The following PLPPR1 variants were observed in gnomAD, a reference collection of about 807,000 sequenced individuals.
The protein encoded by PLPPR1 is phospholipid phosphatase related 1, also known as phospholipid phosphatase-related protein type 1.
A neutral mutation model predicts 33.1 loss-of-function variants in PLPPR1; 10 were observed. The ratio of observed to expected loss-of-function variants is 0.30; its 90% CI spans 0.19 to 0.51. PLPPR1 has a LOEUF of 0.51. Among genes scored for constraint, PLPPR1 ranks in the 20% least tolerant of loss-of-function variants. PLPPR1 has a pLI of 0.97. For synonymous variants in PLPPR1, 151 were observed against 151.0 expected (o/e 1.00, Z 0.00); for missense variants, 304 against 408.1 (o/e 0.74, Z 2.20).
chr9:101,237,510 C>T (rs1255692170), intron 2 of PLPPR1, among the ~76,000 whole-genome samples: 5 of 150,596 alleles, frequency 3.3e-5, no homozygotes, highest in Admixed American at 6.7e-5. Context: ...AACACAGATA[C>T]ACATCTATAA....
At chr9:101,203,383 T>C (rs1470730094) in intron 2 of PLPPR1, among the ~76,000 whole-genome samples, 1 of 152,194 alleles carries the variant, frequency 6.6e-6, no homozygotes, top group Non-Finnish European at 1.5e-5. Flanking sequence ...TTTATGGTCC[T>C]TTGGAAACAG....
intron 6 of PLPPR1, among the ~76,000 whole-genome samples, chr9:101,316,944 C>G (rs566742259): frequency 2.0e-5 from 3 of 152,082 alleles, no homozygotes; most frequent in African/African-American, 7.2e-5. Context: ...CCTGTGCCCC[C>G]CTATCTAGAC....
At chr9:101,059,532 AT>A (rs1301732478) in intron 1 of PLPPR1, among the ~76,000 whole-genome samples, 1 of 152,138 alleles carries the variant, frequency 6.6e-6, no homozygotes, top group Non-Finnish European at 1.5e-5. Flanking sequence ...GAGATTAAAA[AT>A]ATGCAAGAAT....
chr9:101,225,376 A>G (rs1827042127), intron 2 of PLPPR1, among the ~76,000 whole-genome samples: 1 of 152,112 alleles, frequency 6.6e-6, no homozygotes, highest in Middle Eastern at 3.2e-3. Context: ...CTTCCCTAAA[A>G]TAGCAGGCAC....
chr9:101,034,177 A>G (rs1342182464), intron 1 of PLPPR1, among the ~76,000 whole-genome samples: 1 of 152,160 alleles, frequency 6.6e-6, no homozygotes, highest in African/African-American at 2.4e-5. Context: ...AAAAGGGAGC[A>G]GATGGAACCA....
intron 2 of PLPPR1, among the ~76,000 whole-genome samples, chr9:101,220,864 G>A (rs182179302): frequency 1.3e-5 from 2 of 152,186 alleles, no homozygotes; most frequent in Non-Finnish European, 2.9e-5. Flanking sequence ...GCAAGGCATA[G>A]GGTTAATCCC....
At chr9:101,312,083 G>T (rs1828969111) in intron 5 of PLPPR1, among the ~76,000 whole-genome samples, 1 of 152,112 alleles carries the variant, frequency 6.6e-6, no homozygotes, top group South Asian at 2.1e-4. Flanking sequence ...CTTAGCTCAG[G>T]TCTTCTTGAC....
At chr9:101,266,198 G>A (rs1402446857) in intron 2 of PLPPR1, among the ~76,000 whole-genome samples, 2 of 151,966 alleles carry the variant, frequency 1.3e-5, no homozygotes, top group Admixed American at 1.3e-4. Flanking sequence ...AGGCTGAGAT[G>A]GATGGATCAC....
At chr9:101,272,665 A>G (rs1828121774) in intron 3 of PLPPR1, among the ~76,000 whole-genome samples, 1 of 152,214 alleles carries the variant, frequency 6.6e-6, no homozygotes, top group Non-Finnish European at 1.5e-5. Flanking sequence ...ACCAGCAATC[A>G]ATAGACTGTG....
chr9:101,187,063 T>G (rs978559337), intron 2 of PLPPR1, among the ~76,000 whole-genome samples: 1 of 151,884 alleles, frequency 6.6e-6, no homozygotes, highest in African/African-American at 2.4e-5. Context: ...ATTAATATTG[T>G]GGTGAAGGGA....
chr9:101,166,344 G>C (rs2118681172), intron 1 of PLPPR1, among the ~76,000 whole-genome samples: 1 of 152,276 alleles, frequency 6.6e-6, no homozygotes, highest in African/African-American at 2.4e-5. Context: ...CCGCATTATA[G>C]GCTCTGGGGA....
At chr9:101,035,566 A>C (rs1270799278) in intron 1 of PLPPR1, among the ~76,000 whole-genome samples, 1 of 152,234 alleles carries the variant, frequency 6.6e-6, no homozygotes, top group East Asian at 1.9e-4. Context: ...TTTCTAGGGA[A>C]GTTGTCCTGA....
chr9:101,052,789 A>G (rs2118447726), intron 1 of PLPPR1, among the ~76,000 whole-genome samples: 1 of 152,320 alleles, frequency 6.6e-6, no homozygotes, highest in African/African-American at 2.4e-5. Context: ...CCACTTTTTA[A>G]TCAGAGCTGC....
chr9:101,240,199 T>C (rs1464801757), intron 2 of PLPPR1, among the ~76,000 whole-genome samples: 4 of 151,992 alleles, frequency 2.6e-5, no homozygotes, highest in Non-Finnish European at 5.9e-5. Context: ...AAAAATCAGT[T>C]TACTCCGAAT....
At chr9:101,147,919 A>C (rs987286030) in intron 1 of PLPPR1, among the ~76,000 whole-genome samples, 6 of 152,156 alleles carry the variant, frequency 3.9e-5, no homozygotes, top group Non-Finnish European at 8.8e-5. Flanking sequence ...GTCAAGTCCA[A>C]GGGGCTTTCT....
At chr9:101,187,185 C>T (rs1360768484) in intron 2 of PLPPR1, 2 of 151,854 alleles carry the variant, frequency 1.3e-5, no homozygotes, top group Non-Finnish European at 2.9e-5. Context: ...TTTAAGTAGG[C>T]TGCGGGAAGT....
intron 1 of PLPPR1, among the ~76,000 whole-genome samples, chr9:101,152,180 G>C (rs1424522902): frequency 1.3e-5 from 2 of 152,142 alleles, no homozygotes; most frequent in African/African-American, 4.8e-5. Flanking sequence ...GTGTCTGTTG[G>C]CTGCATAAAT....
intron 2 of PLPPR1, among the ~76,000 whole-genome samples, chr9:101,264,905 C>G (rs1284360403): frequency 6.6e-6 from 1 of 152,132 alleles, no homozygotes; most frequent in African/African-American, 2.4e-5. Flanking sequence ...AGACAAGATG[C>G]TTCATGTATA....
At chr9:101,051,768 T>C (rs1830225151) in intron 1 of PLPPR1, among the ~76,000 whole-genome samples, 1 of 152,228 alleles carries the variant, frequency 6.6e-6, no homozygotes, top group Non-Finnish European at 1.5e-5. Flanking sequence ...AGACATTTAT[T>C]CTTTAATTTA....
Sources: gnomAD v4.1 joint callset for allele counts (sites outside exome capture counted in the v4.1 genomes callset) on GRCh38, gnomAD v4.1.1 for gene constraint, MANE v1.5 for transcripts, NCBI Gene and HGNC (gene_info 2026-07-23, HGNC 2026-07-21) for gene names.